SLC8A1: variants seen among roughly 807,000 people sequenced by gnomAD.
SLC8A1 encodes solute carrier family 8 member A1.
SLC8A1 carries 18 observed loss-of-function variants against 68.3 expected under a neutral mutation model. That is an observed-to-expected ratio of 0.26 (90% CI 0.18 to 0.39). SLC8A1 has a LOEUF of 0.39. SLC8A1 is among the 10% of genes least tolerant of loss of function. The pLI is 1.00. For synonymous variants in SLC8A1, 475 were observed against 415.5 expected, an observed-to-expected ratio of 1.14 and a Z score of -1.74; for missense variants, 985 against 1,156.7, an observed-to-expected ratio of 0.85 and a Z score of 2.15.
intron 1 of SLC8A1, among the ~76,000 whole-genome samples, chr2:40,438,301 T>C (rs1293639567): frequency 3.9e-5 from 6 of 152,124 alleles, no homozygotes; most frequent in African/African-American, 7.2e-5. Flanking sequence ...TATACATGCT[T>C]TTATATCTAG....
intron 2 of SLC8A1, among the ~76,000 whole-genome samples, chr2:40,324,160 C>T (rs376441895): frequency 4.4e-4 from 67 of 151,786 alleles, no homozygotes; most frequent in Non-Finnish European, 2.1e-4. Flanking sequence ...CAGAAATCCA[C>T]GAGATTGAAA....
chr2:40,370,629 T>C (rs1198862068), intron 2 of SLC8A1, among the ~76,000 whole-genome samples: 5 of 152,106 alleles, frequency 3.3e-5, no homozygotes, highest in Non-Finnish European at 5.9e-5. Context: ...TAATGAATTA[T>C]AAAATATGTT....
At chr2:40,358,734 G>A (rs913764014) in intron 2 of SLC8A1, among the ~76,000 whole-genome samples, 3 of 152,172 alleles carry the variant, frequency 2.0e-5, no homozygotes, top group Non-Finnish European at 4.4e-5. Flanking sequence ...CTAAGTTTGA[G>A]AAGAAACAGG....
intron 6 of SLC8A1, 53 bp downstream of exon 9, chr2:40,160,712 C>G (rs1052417262): frequency 6.6e-7 from 1 of 1,525,398 alleles, no homozygotes; most frequent in African/African-American, 1.4e-5. Flanking sequence ...AGTAGGAAAA[C>G]TCAGCTCAGA....
intron 2 of SLC8A1, among the ~76,000 whole-genome samples, chr2:40,187,524 G>C (rs1158488238): frequency 1.3e-5 from 2 of 152,146 alleles, no homozygotes; most frequent in East Asian, 1.9e-4. Context: ...TCTGGAGTTG[G>C]GGTTTTCTAA....
chr2:40,392,555 T>C (rs1054452424), intron 2 of SLC8A1, among the ~76,000 whole-genome samples: 2 of 152,112 alleles, frequency 1.3e-5, no homozygotes, highest in South Asian at 2.1e-4. Flanking sequence ...AACAGGCTGG[T>C]ATCAATTGTC....
At chr2:40,473,520 T>C (rs918936908) in intron 1 of SLC8A1, among the ~76,000 whole-genome samples, 9 of 152,236 alleles carry the variant, frequency 5.9e-5, no homozygotes, top group African/African-American at 2.2e-4. Context: ...CCCCAAATAA[T>C]ATGTCTTGTA....
chr2:40,198,404 T>A (rs4952591), intron 2 of SLC8A1, among the ~76,000 whole-genome samples: 1 of 151,784 alleles, frequency 6.6e-6, no homozygotes, highest in Non-Finnish European at 1.5e-5. Flanking sequence ...ATCACCATTA[T>A]ATATTTATTT....
intron 1 of SLC8A1, among the ~76,000 whole-genome samples, chr2:40,443,582 C>T (rs1700902232): frequency 6.6e-6 from 1 of 152,130 alleles, no homozygotes; most frequent in Non-Finnish European, 1.5e-5. Context: ...ATAATTTATA[C>T]AAGACTTTTT....
At chr2:40,145,655 G>A (rs1171610763) in intron 6 of SLC8A1, among the ~76,000 whole-genome samples, 1 of 152,126 alleles carries the variant, frequency 6.6e-6, no homozygotes, top group East Asian at 1.9e-4. Flanking sequence ...AAAGATGAAA[G>A]ACCTTAGCGA....
intron 2 of SLC8A1, among the ~76,000 whole-genome samples, chr2:40,194,752 T>C (rs774600021): frequency 9.8e-5 from 14 of 143,296 alleles, no homozygotes; most frequent in Admixed American, 2.1e-4. Context: ...AGCAATTATG[T>C]CATATCCTAG....
chr2:40,396,748 T>TAAAAAAAAAAAAAAAAAAAAAA (rs368483768), intron 2 of SLC8A1, among the ~76,000 whole-genome samples: 9 of 87,086 alleles, frequency 1.0e-4, no homozygotes, highest in Non-Finnish European at 1.4e-4. Context: ...CTCTAATAAC[T>TAAAAAAAAAAAAAAAAAAAAAA]AAAAAAAAAA....
intron 2 of SLC8A1, among the ~76,000 whole-genome samples, chr2:40,225,899 C>T (rs181727152): frequency 1.3e-5 from 2 of 152,280 alleles, no homozygotes; most frequent in Admixed American, 1.3e-4. Context: ...CAAGCTTCAG[C>T]GTTAGAGTTG....
intron 2 of SLC8A1, among the ~76,000 whole-genome samples, chr2:40,269,905 C>T (rs900240398): frequency 6.6e-6 from 1 of 151,952 alleles, no homozygotes; most frequent in Admixed American, 6.6e-5. Context: ...AGGTGGAGAA[C>T]TAAAGTCTTC....
chr2:40,146,445 G>A (rs1255607441), intron 6 of SLC8A1, among the ~76,000 whole-genome samples: 1 of 152,144 alleles, frequency 6.6e-6, no homozygotes, highest in Admixed American at 6.5e-5. Flanking sequence ...TAGGCCAGTG[G>A]TCTCCAAACT....
chr2:40,145,347 A>T (rs1174928172), intron 6 of SLC8A1, among the ~76,000 whole-genome samples: 1 of 152,124 alleles, frequency 6.6e-6, no homozygotes, highest in African/African-American at 2.4e-5. Flanking sequence ...CCAAAGGTCA[A>T]CCATCCAGTT....
At chr2:40,333,905 G>A (rs756678080) in intron 2 of SLC8A1, among the ~76,000 whole-genome samples, 18 of 151,942 alleles carry the variant, frequency 1.2e-4, no homozygotes, top group African/African-American at 2.7e-4. Flanking sequence ...AAAATTAGCC[G>A]GACATGGTGG....
At chr2:40,435,392 A>G (rs918740557) in intron 1 of SLC8A1, among the ~76,000 whole-genome samples, 2 of 148,594 alleles carry the variant, frequency 1.3e-5, no homozygotes, top group African/African-American at 2.5e-5. Context: ...TCAGGCTATC[A>G]GACCATGGCC....
chr2:40,215,130 G>C (rs2057251571), intron 2 of SLC8A1, among the ~76,000 whole-genome samples: 1 of 152,034 alleles, frequency 6.6e-6, no homozygotes, highest in African/African-American at 2.4e-5. Context: ...ATGAGTTGTA[G>C]CACAGAGAAA....
Sources: gnomAD v4.1 joint callset for allele counts (sites outside exome capture counted in the v4.1 genomes callset) on GRCh38, gnomAD v4.1.1 for gene constraint, MANE v1.5 for transcripts, NCBI Gene and HGNC (gene_info 2026-07-23, HGNC 2026-07-21) for gene names.